Variants in ABI3BP observed in about 807,000 individuals in gnomAD.
The protein encoded by ABI3BP is target of Nesh-SH3.
A neutral mutation model predicts 268.6 loss-of-function variants in ABI3BP; 216 were observed. The ratio of observed to expected loss-of-function variants is 0.80; its 90% confidence interval spans 0.72 to 0.90. The LOEUF (loss-of-function observed/expected upper bound fraction) is 0.90, where lower values mean the gene tolerates loss of function less well. ABI3BP is among the 40% of genes least tolerant of loss of function. ABI3BP has a pLI of 0.00. For missense variants in ABI3BP, 2,090 were observed against 2,182.4 expected, an observed-to-expected ratio of 0.96 and a Z score of 0.84; for synonymous variants, 730 against 730.0, an observed-to-expected ratio of 1.00 and a Z score of 0.00.
In ABI3BP at chr3:100,838,403, AG is replaced by A. The variant is rs2098637829; in HGVS notation, c.2006del (p.Pro669LeufsTer40). 138 of 1,535,676 alleles carry A rather than the reference AG, an allele frequency of 9.0e-5. No individual in the cohort carries two copies. Among genetic ancestry groups the A allele is most frequent in the Non-Finnish European group, 1.2e-4 (133 of 1,146,654 alleles). Reference sequence around the variant, plus strand: ...CAAGGCATTGAAAGTAATGATTACCAGGCTGAATTTGAGGTGCATCTGGTCT... The same window carrying A: ...CAAGGCATTGAAAGTAATGATTACCAGCTGAATTTGAGGTGCATCTGGTCT... ...THRPDAPQIQ[P>X]GSKPPKQLLP... is the part of the protein sequence containing the mutation. On this transcript the variant is annotated frameshift_variant and splice_region_variant, in exon 25 of 68. Transcript: ENST00000471714. LOFTEE classifies it high-confidence loss of function.
chr3:100,790,415 A>G (rs1411160247), intron 55 of ABI3BP, among the ~76,000 whole-genome samples: 1 of 152,052 alleles, frequency 6.6e-6, no homozygotes, highest in Admixed American at 6.6e-5. Flanking sequence ...CTTTGTAAGT[A>G]GATTACATCA....
At chr3:100,929,651 C>T (rs961360558) in intron 1 of ABI3BP, among the ~76,000 whole-genome samples, 6 of 151,850 alleles carry the variant, frequency 4.0e-5, no homozygotes, top group African/African-American at 1.5e-4. Context: ...ATTATCTTAC[C>T]ACACATTACT....
intron 1 of ABI3BP, among the ~76,000 whole-genome samples, chr3:100,933,087 CATA>C (rs1449608264): frequency 6.6e-6 from 1 of 151,866 alleles, no homozygotes; most frequent in Non-Finnish European, 1.5e-5. Flanking sequence ...AGTTGGTCAA[CATA>C]ATAAAATTAC....
chr3:100,983,644 G>C (rs564111733), intron 1 of ABI3BP, among the ~76,000 whole-genome samples: 1 of 152,110 alleles, frequency 6.6e-6, no homozygotes, highest in Non-Finnish European at 1.5e-5. Context: ...TGACTTTTGC[G>C]TGGCCAAGTA....
intron 6 of ABI3BP, among the ~76,000 whole-genome samples, chr3:100,876,839 T>G (rs1581566236): frequency 6.7e-6 from 1 of 150,146 alleles, no homozygotes; most frequent in East Asian, 2.0e-4. Context: ...AAAAAAAAAA[T>G]TAGTTGGGCA....
Position 100,894,938 on chromosome 3 carries a change from C to CAAAAAAAAAAAAAAAAAAAAAA in ABI3BP, c.461+3802_461+3823dup, listed in dbSNP as rs58342344. Among the ~76,000 whole-genome samples the CAAAAAAAAAAAAAAAAAAAAAA allele has an allele frequency of 2.6e-3, 98 of 37,714 alleles. 10 individuals carry two copies. Among genetic ancestry groups the CAAAAAAAAAAAAAAAAAAAAAA allele is most frequent in the East Asian group, 4.7e-3 (3 of 636 alleles). 24.7% of individuals were successfully genotyped at this position (37,714 alleles called of 152,430 possible). On this transcript the variant is annotated intron_variant, in intron 4 of 67. Coordinates refer to ENST00000471714, the MANE Select transcript of ABI3BP (RefSeq NM_001375547.2). ...TGGGCGACAGAGCGGGATTCCGCTT[C>CAAAAAAAAAAAAAAAAAAAAAA]AAAAAAAAAAAAAAAAAAAAAAAAA... is the stretch of plus-strand genomic sequence containing the variant.
At position 100,839,553 on chromosome 3, in the gene ABI3BP, G is replaced by GA. The variant is rs1337745557; in HGVS notation, c.1945+15dup. 5.2e-6 allele frequency: 8 copies of GA among 1,535,636 alleles called. No homozygotes were observed. The African/African-American group carries it at 6.8e-5, about 13-fold the overall frequency. ...ACAACCCGTGAAAGCAGCCGTGGTG[G>GA]AGGGAGTAGAATTACCAGTTGTGGG... On this transcript the variant is annotated intron_variant, in intron 24 of 67. Coordinates refer to ENST00000471714, the MANE Select transcript of ABI3BP (RefSeq NM_001375547.2).
chr3:100,888,049 G>A (rs1198456257), intron 4 of ABI3BP, among the ~76,000 whole-genome samples: 1 of 151,908 alleles, frequency 6.6e-6, no homozygotes, highest in Non-Finnish European at 1.5e-5. Context: ...TAGAGAGAGA[G>A]ATGAGATGCA....
rs370382577 is a variant in ABI3BP, at chr3:100,753,833, C to G, written c.4946G>C (p.Ser1649Thr). The change falls in exon 65 of 68, where the codon AGT (serine) becomes ACT (threonine). Residue 1649 changes from serine (S) to threonine (T), a missense_variant. Physicochemically the swap from Ser to Thr is moderately conservative, Grantham distance 58. Transcript: ENST00000471714. The stretch of plus-strand genomic sequence containing the variant: ...CAGGTACTTACCAGAAACTGGCTCA[C>G]TCACTCTTGGGTCCGCTGAGGAGAA... ...FSTESADPRV[S>T]EPVSAGRDAI... is the part of the protein sequence containing the mutation. 1 of 1,611,070 alleles carries G rather than the reference C, an allele frequency of 6.2e-7. No homozygotes were observed. The highest frequency in any genetic ancestry group is 8.5e-7 in the Non-Finnish European group (1 of 1,178,834).
chr3:100,901,807 C>CTCTA (rs1041840617), intron 3 of ABI3BP, among the ~76,000 whole-genome samples: 6 of 151,674 alleles, frequency 4.0e-5, no homozygotes, highest in African/African-American at 1.5e-4. Flanking sequence ...TTGTGATCAA[C>CTCTA]TCTATATAGA....
chr3:100,820,023 T>A (rs1224411410), intron 40 of ABI3BP, among the ~76,000 whole-genome samples, 197 bp downstream of exon 40: 1 of 144,690 alleles, frequency 6.9e-6, no homozygotes, highest in African/African-American at 2.6e-5. Context: ...ATGCAGAAAA[T>A]GCAAGGAATT....
chr3:100,839,273 G>T (rs377663055), intron 24 of ABI3BP, among the ~76,000 whole-genome samples: 2 of 152,204 alleles, frequency 1.3e-5, no homozygotes, highest in East Asian at 3.8e-4. Flanking sequence ...AGAGGTCCCT[G>T]TCTGAGAAGG....
intron 1 of ABI3BP, among the ~76,000 whole-genome samples, chr3:100,974,089 C>T (rs186984724): frequency 9.4e-4 from 142 of 151,864 alleles, no homozygotes; most frequent in Middle Eastern, 6.8e-3. Flanking sequence ...AAAATAAAAA[C>T]ACAAAATAAA....
chr3:100,896,792 T>C (rs952609026), intron 4 of ABI3BP, among the ~76,000 whole-genome samples: 6 of 152,132 alleles, frequency 3.9e-5, no homozygotes, highest in African/African-American at 1.4e-4. Flanking sequence ...AAATAAGTCA[T>C]GGGATTAGTG....
chr3:100,804,973 C>T (rs191511798), intron 50 of ABI3BP, 107 bp from the exon 51 acceptor site: 91 of 883,024 alleles, frequency 1.0e-4, no homozygotes, highest in Non-Finnish European at 7.5e-6. Flanking sequence ...TAAAACAAAG[C>T]ATTAGAGAGA....
intron 1 of ABI3BP, among the ~76,000 whole-genome samples, chr3:100,938,043 G>T: frequency 6.6e-6 from 1 of 152,032 alleles, no homozygotes; most frequent in East Asian, 1.9e-4. Context: ...ACGAACACAA[G>T]AACAGAAAAC....
At chr3:100,796,350 A>T in intron 52 of ABI3BP, 59 bp downstream of exon 52, 2 of 1,353,754 alleles carry the variant, frequency 1.5e-6, no homozygotes, top group African/African-American at 1.5e-5. Context: ...ATTTACTTCA[A>T]GAATTTTTTT....
intron 9 of ABI3BP, among the ~76,000 whole-genome samples, chr3:100,870,986 A>C (rs2153228990): frequency 6.6e-6 from 1 of 152,356 alleles, no homozygotes; most frequent in African/African-American, 2.4e-5. Context: ...ATCTAAAAAA[A>C]GTCACATATA....
chr3:100,752,216 A>G (rs1439098674), intron 66 of ABI3BP, among the ~76,000 whole-genome samples: 1 of 152,204 alleles, frequency 6.6e-6, no homozygotes, highest in African/African-American at 2.4e-5. Flanking sequence ...CTTCTTACTA[A>G]GGAAGGGAAG....
Sources: gnomAD v4.1 joint callset for allele counts (sites outside exome capture counted in the v4.1 genomes callset) on GRCh38, gnomAD v4.1.1 for gene constraint, MANE v1.5 for transcripts, NCBI Gene and HGNC (gene_info 2026-07-23, HGNC 2026-07-21) for gene names.